LHFPL3: variants seen among roughly 807,000 people sequenced by gnomAD.
LHFPL3 encodes LHFPL tetraspan subfamily member 3, also known as LHFPL tetraspan subfamily member 3 protein.
Under a neutral mutation model 19.3 loss-of-function variants are expected in LHFPL3, and 5 were observed. The observed-to-expected ratio is 0.26, with a 90% CI of 0.14 to 0.54. The LOEUF is 0.54. Ranked by LOEUF, LHFPL3 falls within the 20% of genes least tolerant of loss-of-function variation. The pLI, the probability that LHFPL3 is intolerant of heterozygous loss-of-function variation, is 0.94. For synonymous variants in LHFPL3, 133 were observed against 126.2 expected (o/e 1.05, Z -0.36); for missense variants, 249 against 307.4 (o/e 0.81, Z 1.42).
chr7:104,836,408 G>A (rs1056545362), intron 2 of LHFPL3, among the ~76,000 whole-genome samples: 6 of 152,136 alleles, frequency 3.9e-5, no homozygotes, highest in African/African-American at 1.4e-4. Context: ...TATTGTCACT[G>A]GGCGTGCTGG....
chr7:104,345,331 CT>C (rs140541145), intron 1 of LHFPL3, among the ~76,000 whole-genome samples: 9,001 of 152,246 alleles, frequency 0.059, 340 homozygotes, highest in Middle Eastern at 0.088. Flanking sequence ...ATTTTCTCCA[CT>C]ACATTCTTCT....
intron 1 of LHFPL3, among the ~76,000 whole-genome samples, chr7:104,705,212 T>C (rs1793169909): frequency 6.6e-6 from 1 of 152,222 alleles, no homozygotes; most frequent in Non-Finnish European, 1.5e-5. Flanking sequence ...ATATAAAAAC[T>C]TAAGTCTATC....
intron 2 of LHFPL3, among the ~76,000 whole-genome samples, chr7:104,827,293 C>G (rs1790843333): frequency 6.6e-6 from 1 of 151,964 alleles, no homozygotes; most frequent in Non-Finnish European, 1.5e-5. Context: ...TCTTGCAAAG[C>G]CTTTCTAGCA....
intron 1 of LHFPL3, among the ~76,000 whole-genome samples, chr7:104,614,704 T>G (rs190992254): frequency 8.1e-6 from 1 of 123,564 alleles, no homozygotes; most frequent in African/African-American, 3.4e-5. Flanking sequence ...TCTTTCTTTC[T>G]TTCTTTCTTT....
At chr7:104,515,441 G>A (rs1421772910) in intron 1 of LHFPL3, among the ~76,000 whole-genome samples, 3 of 152,252 alleles carry the variant, frequency 2.0e-5, no homozygotes, top group Middle Eastern at 3.4e-3. Context: ...CAGTGCCCCT[G>A]TTCAAAGAAC....
chr7:104,733,132 C>T lies in LHFPL3; in HGVS notation c.446-3543C>T, dbSNP rs530570397. Among the ~76,000 whole-genome samples, 407 of 152,230 alleles carry T rather than the reference C, an allele frequency of 2.7e-3. 3 individuals carry two copies. The highest frequency in any genetic ancestry group is 9.2e-3 in the African/African-American group (384 of 41,524). ...GTTCTTTTACATTTGCTGAGGAGTG[C>T]TTTACTTCCAACTATGTGGTCAATT... On this transcript the variant is annotated intron_variant, in intron 1 of 2. Coordinates refer to ENST00000424859, the MANE Select transcript of LHFPL3 (RefSeq NM_199000.3).
intron 1 of LHFPL3, among the ~76,000 whole-genome samples, chr7:104,718,795 C>A (rs1359369098): frequency 6.6e-6 from 1 of 152,126 alleles, no homozygotes; most frequent in Non-Finnish European, 1.5e-5. Context: ...TGGACCCAGG[C>A]TCCCTGTTTT....
chr7:104,860,169 TACACCCACCCACACACACACAC>T (rs1791588651), intron 2 of LHFPL3, among the ~76,000 whole-genome samples: 1 of 112,518 alleles, frequency 8.9e-6, no homozygotes, highest in Non-Finnish European at 1.9e-5. Flanking sequence ...CACACACACA[TACACCCACCCACACACACACAC>T]ACACACACAC....
rs565955292 is a variant in LHFPL3, at chr7:104,442,578, G to A, written c.445+113354G>A. Among the ~76,000 whole-genome samples the A allele has an allele frequency of 1.7e-4, 26 of 152,304 alleles. No individual in the cohort carries two copies. The South Asian group carries it at 5.4e-3, about 32-fold the overall frequency. ...GTAGCAAGTTATATTTAGGAACCTA[G>A]ATTTGTGGCCTACTGGGTAGAATCT... On this transcript the variant is annotated intron_variant, in intron 1 of 2. Coordinates refer to ENST00000424859, the MANE Select transcript of LHFPL3 (RefSeq NM_199000.3).
chr7:104,808,246 C>G, intron 2 of LHFPL3, among the ~76,000 whole-genome samples: 1 of 152,214 alleles, frequency 6.6e-6, no homozygotes, highest in East Asian at 1.9e-4. Flanking sequence ...CTAGCTATGT[C>G]AAAACACTGT....
chr7:104,351,184 G>C (rs1206920159), intron 1 of LHFPL3, among the ~76,000 whole-genome samples: 1 of 152,188 alleles, frequency 6.6e-6, no homozygotes, highest in African/African-American at 2.4e-5. Flanking sequence ...AATGAGTGCA[G>C]TTAACATGGT....
At chr7:104,867,731 G>C (rs1296825529) in intron 2 of LHFPL3, among the ~76,000 whole-genome samples, 1 of 152,136 alleles carries the variant, frequency 6.6e-6, no homozygotes, top group East Asian at 1.9e-4. Flanking sequence ...CATTTTATGA[G>C]GCCAGCATCA....
At chr7:104,541,694 T>A (rs1794488874) in intron 1 of LHFPL3, among the ~76,000 whole-genome samples, 1 of 152,208 alleles carries the variant, frequency 6.6e-6, no homozygotes, top group African/African-American at 2.4e-5. Context: ...TTGCTCTAAA[T>A]GATAATATAG....
intron 2 of LHFPL3, among the ~76,000 whole-genome samples, chr7:104,893,380 A>G (rs7779117): frequency 0.16 from 23,963 of 151,610 alleles, 4,255 homozygotes; most frequent in East Asian, 0.48. Flanking sequence ...GGGGCATGGT[A>G]GTATATATCT....
chr7:104,508,375 C>T (rs1401992701), intron 1 of LHFPL3, among the ~76,000 whole-genome samples: 21 of 147,982 alleles, frequency 1.4e-4, no homozygotes, highest in Admixed American at 3.4e-4. Flanking sequence ...AACCAAACAC[C>T]GCATATTCTC....
chr7:104,416,304 C>T (rs1446228133), intron 1 of LHFPL3, among the ~76,000 whole-genome samples: 1 of 152,108 alleles, frequency 6.6e-6, no homozygotes, highest in Non-Finnish European at 1.5e-5. Context: ...GAGAACATGG[C>T]CCTACTACAC....
chr7:104,854,861 CA>C (rs200324573), intron 2 of LHFPL3, among the ~76,000 whole-genome samples: 4 of 150,658 alleles, frequency 2.7e-5, no homozygotes, highest in East Asian at 1.9e-4. Flanking sequence ...CCTCCCAGGT[CA>C]AAAAAAAACT....
chr7:104,846,546 T>G (rs190568899), intron 2 of LHFPL3, among the ~76,000 whole-genome samples: 1 of 150,738 alleles, frequency 6.6e-6, no homozygotes, highest in East Asian at 1.9e-4. Flanking sequence ...TCCAGATCCC[T>G]TAATTCATAG....
intron 1 of LHFPL3, among the ~76,000 whole-genome samples, chr7:104,686,992 T>C (rs1295237670): frequency 6.6e-6 from 1 of 152,172 alleles, no homozygotes; most frequent in African/African-American, 2.4e-5. Flanking sequence ...ACTGCCCCCA[T>C]AATCTAATCA....
Sources: gnomAD v4.1 joint callset for allele counts (sites outside exome capture counted in the v4.1 genomes callset) on GRCh38, gnomAD v4.1.1 for gene constraint, MANE v1.5 for transcripts, NCBI Gene and HGNC (gene_info 2026-07-23, HGNC 2026-07-21) for gene names.